TSPAN11: variants seen among roughly 807,000 people sequenced by gnomAD.
TSPAN11 encodes the protein tetraspanin-11.
TSPAN11 carries 29 observed loss-of-function variants against 32.9 expected under a neutral mutation model. The observed-to-expected ratio is 0.88, with a 90% CI of 0.66 to 1.20. The LOEUF (loss-of-function observed/expected upper bound fraction) is 1.20, where lower values mean the gene tolerates loss of function less well. Among genes scored for constraint, TSPAN11 ranks in the 50% most tolerant of loss-of-function variants. The probability of loss-of-function intolerance (pLI) is 0.00; values close to 1 mark genes in which losing one functional copy is unlikely to be tolerated. For synonymous variants in TSPAN11, 140 were observed against 141.3 expected (o/e 0.99, Z 0.07); for missense variants, 283 against 329.1 (o/e 0.86, Z 1.08).
intron 3 of TSPAN11, among the ~76,000 whole-genome samples, chr12:30,969,903 G>A (rs1172032564): frequency 1.3e-5 from 2 of 152,194 alleles, no homozygotes; most frequent in Non-Finnish European, 2.9e-5. Context: ...AAAGGACCAT[G>A]CGGGCAGTTT....
chr12:30,976,446 C>T (rs1344925525), intron 3 of TSPAN11, among the ~76,000 whole-genome samples: 1 of 152,168 alleles, frequency 6.6e-6, no homozygotes, highest in African/African-American at 2.4e-5. Context: ...CCCAAGTCCA[C>T]TGACATTTCC....
rs1391247616 is a variant in TSPAN11 at position 30,995,849 on chromosome 12, G to C, written c.*3934G>C. 6.6e-6 allele frequency: 1 copy of C among 152,162 alleles called. No homozygotes were observed. The highest frequency in any genetic ancestry group is 2.4e-5 in the African/African-American group (1 of 41,396). 9.4% of individuals were successfully genotyped at this position (152,162 alleles called of 1,614,324 possible). A position where few individuals can be genotyped will look rare whatever the true frequency, so the allele number is the denominator to read the frequency against. On this transcript the variant is annotated 3_prime_UTR_variant, in exon 8 of 8. Coordinates refer to ENST00000546076, the MANE Select transcript of TSPAN11 (RefSeq NM_001370302.1). ...CAGGAGTGGGCAAGACCAATCATTT[G>C]CATTTCTGACAAGTTCCCAGGAGCT... is the stretch of plus-strand genomic sequence containing the variant.
At chr12:30,946,235 G>C (rs1019508959) in intron 1 of TSPAN11, among the ~76,000 whole-genome samples, 4 of 152,172 alleles carry the variant, frequency 2.6e-5, no homozygotes, top group African/African-American at 9.7e-5. Context: ...GGCAAATGGG[G>C]ATCATTAGTC....
At chr12:30,989,034 A>G (rs1383964561) in intron 7 of TSPAN11, among the ~76,000 whole-genome samples, 1 of 152,204 alleles carries the variant, frequency 6.6e-6, no homozygotes. Flanking sequence ...GCCTCCGCCC[A>G]GGGGGCCGGC....
At chr12:30,961,666 G>C (rs1165436231) in intron 2 of TSPAN11, among the ~76,000 whole-genome samples, 1 of 151,992 alleles carries the variant, frequency 6.6e-6, no homozygotes, top group Non-Finnish European at 1.5e-5. Context: ...ATTAGATCCT[G>C]GGGAAAAGTA....
chr12:30,939,034 A>G (rs1454533685), intron 1 of TSPAN11, among the ~76,000 whole-genome samples: 1 of 152,000 alleles, frequency 6.6e-6, no homozygotes, highest in African/African-American at 2.4e-5. Flanking sequence ...GGAGTTCGAG[A>G]CCAGCCTGGC....
intron 1 of TSPAN11, among the ~76,000 whole-genome samples, chr12:30,946,802 G>C (rs1440520937): frequency 1.3e-5 from 2 of 152,170 alleles, no homozygotes; most frequent in African/African-American, 4.8e-5. Flanking sequence ...CACGGAGGTG[G>C]GGGGTCTGGG....
At chr12:30,941,668 C>G (rs1221244505) in intron 1 of TSPAN11, among the ~76,000 whole-genome samples, 1 of 152,200 alleles carries the variant, frequency 6.6e-6, no homozygotes, top group Non-Finnish European at 1.5e-5. Context: ...GTGACCCAAG[C>G]ACCAAGACAG....
the TSPAN11 span, among the ~76,000 whole-genome samples, chr12:31,009,124 T>A: frequency 6.6e-6 from 1 of 152,182 alleles, no homozygotes; most frequent in African/African-American, 2.4e-5. Context: ...GCCTCCCCGC[T>A]CTTCAGCATG....
intron 3 of TSPAN11, among the ~76,000 whole-genome samples, chr12:30,976,141 G>A (rs951400726): frequency 3.9e-5 from 6 of 152,156 alleles, no homozygotes; most frequent in Non-Finnish European, 8.8e-5. Flanking sequence ...CTTCTCCCAG[G>A]GGGATCACAC....
At chr12:30,983,451 G>T (rs567728660) in intron 7 of TSPAN11, among the ~76,000 whole-genome samples, 4 of 152,200 alleles carry the variant, frequency 2.6e-5, no homozygotes, top group Non-Finnish European at 5.9e-5. Context: ...GTGTGCACGT[G>T]GGGGTGAGCG....
chr12:30,973,250 G>A (rs1014820656), intron 3 of TSPAN11, among the ~76,000 whole-genome samples: 4 of 152,178 alleles, frequency 2.6e-5, no homozygotes, highest in Non-Finnish European at 4.4e-5. Flanking sequence ...TCTATAAAGC[G>A]AGGCTGATGC....
At chr12:30,982,768 A>G (rs2140306988) in intron 6 of TSPAN11, 78 bp downstream of exon 6, 7 of 1,489,556 alleles carry the variant, frequency 4.7e-6, no homozygotes, top group Non-Finnish European at 4.5e-6. Flanking sequence ...AGGCTGGGTC[A>G]GGCAGGTGGG....
intron 2 of TSPAN11, among the ~76,000 whole-genome samples, chr12:30,962,995 C>T (rs1212460796): frequency 6.6e-6 from 1 of 152,192 alleles, no homozygotes; most frequent in East Asian, 1.9e-4. Context: ...CCAGCCAAGC[C>T]GAGCCATCCC....
chr12:30,979,528 G>A, intron 4 of TSPAN11, 38 bp from the exon 5 acceptor site: 2 of 1,600,794 alleles, frequency 1.2e-6, no homozygotes, highest in East Asian at 2.2e-5. Context: ...GGGTGGGGCT[G>A]GTCCCGCTGA....
chr12:30,928,063 G>C (rs1259503397), intron 1 of TSPAN11, among the ~76,000 whole-genome samples: 2 of 152,152 alleles, frequency 1.3e-5, no homozygotes, highest in Non-Finnish European at 2.9e-5. Flanking sequence ...AGGCATTTGT[G>C]TGCTGTTTCC....
chr12:30,998,603 G>C (rs1939447300), downstream of TSPAN11, among the ~76,000 whole-genome samples: 1 of 152,224 alleles, frequency 6.6e-6, no homozygotes, highest in South Asian at 2.1e-4. Flanking sequence ...CCTGGTGGGG[G>C]CCTTTGCATC....
At chr12:30,944,224 T>C (rs1938222637) in intron 1 of TSPAN11, among the ~76,000 whole-genome samples, 1 of 152,188 alleles carries the variant, frequency 6.6e-6, no homozygotes, top group African/African-American at 2.4e-5. Flanking sequence ...CTTCATATAA[T>C]TATCATTTTG....
chr12:30,930,832 C>T (rs1304630539), intron 1 of TSPAN11, among the ~76,000 whole-genome samples: 3 of 152,198 alleles, frequency 2.0e-5, no homozygotes, highest in Admixed American at 2.0e-4. Flanking sequence ...TCCCTTTCTC[C>T]CTGGGATGCT....
Sources: gnomAD v4.1 joint callset for allele counts (sites outside exome capture counted in the v4.1 genomes callset) on GRCh38, gnomAD v4.1.1 for gene constraint, MANE v1.5 for transcripts, NCBI Gene and HGNC (gene_info 2026-07-23, HGNC 2026-07-21) for gene names.